Variants in MYO7A observed in about 807,000 individuals in gnomAD.
The protein encoded by MYO7A is unconventional myosin-VIIa.
Under a neutral mutation model 263.8 loss-of-function variants are expected in MYO7A, and 210 were observed. The observed-to-expected ratio is 0.80, with a 90% CI of 0.71 to 0.89. The LOEUF (loss-of-function observed/expected upper bound fraction) is 0.89, where lower values mean the gene tolerates loss of function less well. MYO7A is among the 40% of genes least tolerant of loss of function. The pLI is 0.00. For synonymous variants in MYO7A, 1,239 were observed against 1,197.3 expected, an observed-to-expected ratio of 1.03 and a Z score of -0.72; for missense variants, 2,820 against 2,968.3, an observed-to-expected ratio of 0.95 and a Z score of 1.16.
intron 31 of MYO7A, among the ~76,000 whole-genome samples, chr11:77,192,792 G>C (rs1956188765): frequency 6.7e-6 from 1 of 148,952 alleles, no homozygotes; most frequent in East Asian, 1.9e-4. Flanking sequence ...AGGATAGTTG[G>C]TGGTAGTAAC....
intron 44 of MYO7A, 109 bp downstream of exon 44, chr11:77,208,912 C>T (rs1957670934): frequency 1.1e-6 from 1 of 890,998 alleles, no homozygotes. Context: ...CCGTACCAGC[C>T]TGGCCTCAAA....
intron 2 of MYO7A, among the ~76,000 whole-genome samples, chr11:77,134,457 A>G (rs1305333112): frequency 3.3e-5 from 5 of 152,058 alleles, no homozygotes; most frequent in Admixed American, 2.6e-4. Context: ...CCAAAAATAC[A>G]ACATTTTTTT....
intron 47 of MYO7A, 76 bp downstream of exon 47, chr11:77,213,111 A>G (rs1384599237): frequency 8.5e-7 from 1 of 1,174,772 alleles, no homozygotes. Context: ...AACGAACCCC[A>G]CAAGCCCTCC....
At chr11:77,178,921 T>C (rs1160143083) in intron 19 of MYO7A, 124 bp from the exon 20 acceptor site, 35 of 715,442 alleles carry the variant, frequency 4.9e-5, no homozygotes, top group Non-Finnish European at 7.3e-5. Flanking sequence ...TTATGTGCCT[T>C]GCCCAAGGTC....
chr11:77,168,791 C>T (rs553468631), intron 15 of MYO7A, among the ~76,000 whole-genome samples: 18 of 151,876 alleles, frequency 1.2e-4, no homozygotes, highest in Non-Finnish European at 2.1e-4. Flanking sequence ...AGAGTGAGAT[C>T]CTGTCTCTAA....
chr11:77,133,440 G>A (rs1285302149), intron 2 of MYO7A, among the ~76,000 whole-genome samples: 2 of 152,154 alleles, frequency 1.3e-5, no homozygotes, highest in Non-Finnish European at 2.9e-5. Context: ...GATAACAGTT[G>A]GATTGATGCT....
chr11:77,173,667 G>A (rs976656270), intron 16 of MYO7A, among the ~76,000 whole-genome samples: 2 of 152,152 alleles, frequency 1.3e-5, no homozygotes, highest in East Asian at 3.9e-4. Flanking sequence ...TGGGGCCTCG[G>A]GATCTGGGGA....
intron 19 of MYO7A, among the ~76,000 whole-genome samples, chr11:77,178,635 G>A (rs1954887538): frequency 1.3e-5 from 2 of 152,206 alleles, no homozygotes; most frequent in South Asian, 4.1e-4. Flanking sequence ...TGTGCAGGGG[G>A]AACAGCACTG....
chr11:77,182,988 C>T, intron 25 of MYO7A, 80 bp from the exon 26 acceptor site: 1 of 1,216,348 alleles, frequency 8.2e-7, no homozygotes, highest in Non-Finnish European at 1.2e-6. Flanking sequence ...CGAGACGGTT[C>T]CCCGCAAAGT....
intron 32 of MYO7A, among the ~76,000 whole-genome samples, chr11:77,195,523 A>G (rs1231057005): frequency 1.3e-5 from 2 of 152,170 alleles, no homozygotes; most frequent in Non-Finnish European, 2.9e-5. Context: ...ATTGTGGCAT[A>G]TGGTACGTCC....
At chr11:77,151,796 G>C (rs1302690050) in intron 4 of MYO7A, among the ~76,000 whole-genome samples, 1 of 152,252 alleles carries the variant, frequency 6.6e-6, no homozygotes, top group African/African-American at 2.4e-5. Context: ...AGAGGGCCAG[G>C]GCCTCATTGC....
chr11:77,207,474 AAGAGAGAGGAACTGGGGG>A (rs1957528895), intron 42 of MYO7A, 72 bp downstream of exon 42: 1 of 1,111,364 alleles, frequency 9.0e-7, no homozygotes, highest in Non-Finnish European at 1.3e-6. Context: ...CAGCAGACGG[AAGAGAGAGGAACTGGGGG>A]AGAGAGGGGA....
At chr11:77,160,532 A>G (rs1308411535) in intron 11 of MYO7A, among the ~76,000 whole-genome samples, 2 of 152,082 alleles carry the variant, frequency 1.3e-5, no homozygotes, top group Non-Finnish European at 2.9e-5. Flanking sequence ...CAGCCCAGGG[A>G]TACTCTCTTT....
chr11:77,195,240 C>T lies in MYO7A; in HGVS notation c.4323+716C>T, dbSNP rs192107071. On this transcript the variant is annotated intron_variant, in intron 32 of 48. Coordinates refer to ENST00000409709, the MANE Select transcript of MYO7A (RefSeq NM_000260.4). ...CGTGTGCCTTCTCTGGTCAGCTCCC[C>T]GCCAGCCTCTGCCTCTCCCTGAGTC... Among the ~76,000 whole-genome samples, 10 of 152,254 alleles carry T rather than the reference C, an allele frequency of 6.6e-5. No individual in the cohort carries two copies. In the East Asian group the frequency reaches 1.5e-3, roughly 24 times the overall value.
At chr11:77,143,355 G>C (rs1951344127) in intron 3 of MYO7A, among the ~76,000 whole-genome samples, 1 of 152,242 alleles carries the variant, frequency 6.6e-6, no homozygotes, top group Non-Finnish European at 1.5e-5. Flanking sequence ...CAGCCTCACT[G>C]TGTTGGGTTA....
chr11:77,189,926 G>C, intron 28 of MYO7A, 94 bp from the exon 29 acceptor site: 3 of 1,440,900 alleles, frequency 2.1e-6, no homozygotes, highest in Non-Finnish European at 2.7e-6. Context: ...TGGCCTGGAG[G>C]AGCGGCCTCC....
At chr11:77,179,566 G>A (rs1480397503) in intron 20 of MYO7A, among the ~76,000 whole-genome samples, 169 bp from the exon 21 acceptor site, 2 of 152,228 alleles carry the variant, frequency 1.3e-5, no homozygotes, top group African/African-American at 4.8e-5. Context: ...TGCCTGAGAG[G>A]AAACAGAACT....
chr11:77,189,255 G>C lies in MYO7A; in HGVS notation c.3504-89G>C. 3 of 1,562,976 alleles carry C rather than the reference G, an allele frequency of 1.9e-6. No homozygotes were observed. In the Admixed American group the frequency reaches 5.4e-5, roughly 28 times the overall value. Reference sequence around the variant, plus strand: ...TTGGCAAGTTGGAGAGGACAGCTGTGTGGCGTCCCACTGGCTGCTAGGAGG... The same window carrying C: ...TTGGCAAGTTGGAGAGGACAGCTGTCTGGCGTCCCACTGGCTGCTAGGAGG... On this transcript the variant is annotated intron_variant, in intron 27 of 48. Coordinates refer to ENST00000409709, the MANE Select transcript of MYO7A (RefSeq NM_000260.4).
chr11:77,206,070 C>A lies in MYO7A; in HGVS notation c.5637-27C>A. Reference sequence around the variant, plus strand: ...GGTCTCCACAGTCCCACGCACATGCCCCCTGCTGCCCCTGCTGCCTTTTCA... The same window carrying A: ...GGTCTCCACAGTCCCACGCACATGCACCCTGCTGCCCCTGCTGCCTTTTCA... On this transcript the variant is annotated intron_variant, in intron 40 of 48. Transcript: ENST00000409709. 3 of 1,560,202 alleles carry A rather than the reference C, an allele frequency of 1.9e-6. No individual in the cohort carries two copies. The South Asian group carries it at 3.5e-5, about 18-fold the overall frequency.
Sources: gnomAD v4.1 joint callset for allele counts (sites outside exome capture counted in the v4.1 genomes callset) on GRCh38, gnomAD v4.1.1 for gene constraint, MANE v1.5 for transcripts, NCBI Gene and HGNC (gene_info 2026-07-23, HGNC 2026-07-21) for gene names.